FSD1L: variants seen among roughly 807,000 people sequenced by gnomAD.
The protein encoded by FSD1L is fibronectin type III and SPRY domain containing 1 like.
FSD1L carries 45 observed loss-of-function variants against 71.6 expected under a neutral mutation model. The observed-to-expected ratio is 0.63, with a 90% CI of 0.49 to 0.81. FSD1L has a LOEUF of 0.81. Ranked by LOEUF, FSD1L falls within the 30% of genes least tolerant of loss-of-function variation. The pLI, the probability that FSD1L is intolerant of heterozygous loss-of-function variation, is 0.00. For missense variants in FSD1L, 561 were observed against 618.1 expected, an observed-to-expected ratio of 0.91 and a Z score of 0.98; for synonymous variants, 197 against 207.2, an observed-to-expected ratio of 0.95 and a Z score of 0.42.
At chr9:105,442,477 C>A in the FSD1L span, among the ~76,000 whole-genome samples, 25,710 of 151,046 alleles carry the variant, frequency 0.17, 5,057 homozygotes, top group African/African-American at 0.49. Flanking sequence ...TCAAGAGTTT[C>A]AGACCAGCCT....
At chr9:105,482,684 A>C (rs990025861) in intron 6 of FSD1L, among the ~76,000 whole-genome samples, 1 of 152,190 alleles carries the variant, frequency 6.6e-6, no homozygotes, top group Non-Finnish European at 1.5e-5. Context: ...AAATTGATTC[A>C]TGGAAACTTA....
intron 1 of FSD1L, among the ~76,000 whole-genome samples, chr9:105,457,537 T>A (rs556227686): frequency 1.3e-5 from 2 of 152,364 alleles, no homozygotes; most frequent in Admixed American, 6.5e-5. Flanking sequence ...TAGGTTGAGA[T>A]ATGATAGTAA....
chr9:105,491,885 G>A (rs569949863), intron 7 of FSD1L, among the ~76,000 whole-genome samples: 59 of 148,054 alleles, frequency 4.0e-4, no homozygotes, highest in African/African-American at 1.4e-3. Context: ...TTGATGTGCT[G>A]CTGGATTCGG....
intron 5 of FSD1L, among the ~76,000 whole-genome samples, chr9:105,474,022 T>A (rs1358158900): frequency 3.3e-5 from 5 of 152,230 alleles, no homozygotes; most frequent in African/African-American, 1.2e-4. Flanking sequence ...TTTGGAGATG[T>A]GGTGAAATGA....
At chr9:105,508,793 ACTTCATGTGATGTT>A in intron 9 of FSD1L, 78 bp downstream of exon 9, 1 of 807,814 alleles carries the variant, frequency 1.2e-6, no homozygotes, top group Non-Finnish European at 1.9e-6. Flanking sequence ...AACAGGAAGC[ACTTCATGTGATGTT>A]GAATTACTTC....
intron 11 of FSD1L, 70 bp from the exon 12 acceptor site, chr9:105,534,997 G>A: frequency 2.7e-6 from 4 of 1,461,974 alleles, no homozygotes; most frequent in South Asian, 1.3e-5. Flanking sequence ...TTTTTGGGAC[G>A]AGTGGTAGGT....
intron 8 of FSD1L, 47 bp from the exon 9 acceptor site, chr9:105,508,570 G>T (rs918402031): frequency 3.6e-6 from 4 of 1,101,880 alleles, no homozygotes; most frequent in African/African-American, 1.6e-5. Flanking sequence ...TTTGGGAATA[G>T]AATCCTTTAC....
intron 10 of FSD1L, among the ~76,000 whole-genome samples, chr9:105,516,658 C>G (rs1468913225): frequency 6.6e-6 from 1 of 152,100 alleles, no homozygotes; most frequent in Non-Finnish European, 1.5e-5. Flanking sequence ...ACTCAAAGAC[C>G]CCATCCGAAG....
chr9:105,545,781 A>T (rs1836959183), intron 13 of FSD1L, among the ~76,000 whole-genome samples: 1 of 152,110 alleles, frequency 6.6e-6, no homozygotes, highest in Non-Finnish European at 1.5e-5. Flanking sequence ...TCTTTCACAA[A>T]GTCATTCACA....
intron 9 of FSD1L, among the ~76,000 whole-genome samples, chr9:105,512,300 G>A (rs1314438480): frequency 2.6e-5 from 4 of 151,794 alleles, no homozygotes; most frequent in Admixed American, 6.5e-5. Flanking sequence ...CTGCCATCAC[G>A]GCCTCAGTTT....
chr9:105,491,191 A>G (rs376614248), intron 7 of FSD1L, among the ~76,000 whole-genome samples: 11 of 151,734 alleles, frequency 7.2e-5, no homozygotes, highest in South Asian at 2.1e-4. Flanking sequence ...TTGAGCAGTG[A>G]TTTGTAGTTC....
At position 105,461,573 on chromosome 9, in the gene FSD1L, C is replaced by T. The variant is rs1830700721; in HGVS notation, c.69C>T (p.Ile23=). 3 of 1,551,590 alleles carry T rather than the reference C, an allele frequency of 1.9e-6. No homozygotes were observed. In the African/African-American group the frequency reaches 4.1e-5, roughly 21 times the overall value. Residue 23 remains isoleucine, a synonymous_variant, in exon 2 of 14, where the codon ATC becomes ATT. Transcript: ENST00000481272. ...NVTVDKACFL[I]SNITIGPESI... ...CAGTTGATAAAGCCTGTTTTCTGATCTCTAACATCACTATTGGACCAGAGT... is the reference window on the plus strand; with the variant it reads ...CAGTTGATAAAGCCTGTTTTCTGATTTCTAACATCACTATTGGACCAGAGT...
chr9:105,510,010 C>G (rs1834303348), intron 9 of FSD1L, among the ~76,000 whole-genome samples: 1 of 152,150 alleles, frequency 6.6e-6, no homozygotes, highest in Admixed American at 6.5e-5. Flanking sequence ...TTTTCATTTA[C>G]TGTTCATATT....
intron 4 of FSD1L, among the ~76,000 whole-genome samples, chr9:105,468,548 A>C (rs1314815244): frequency 2.7e-5 from 4 of 149,492 alleles, no homozygotes; most frequent in African/African-American, 9.9e-5. Context: ...TCTGTCACCC[A>C]GGCTGGAGTG....
Position 105,471,903 on chromosome 9 carries a change from G to C in FSD1L, c.340-1G>C. 9.5e-7 allele frequency: 1 copy of C among 1,055,828 alleles called. No homozygotes were observed. The allele number at this position is 1,055,828 out of a possible 1,614,324, so 65.4% of individuals were successfully genotyped here. On this transcript the variant is annotated splice_acceptor_variant, in intron 4 of 13. Coordinates refer to ENST00000481272, the MANE Select transcript of FSD1L (RefSeq NM_001145313.3). LOFTEE classifies it high-confidence loss of function. ...CTTAGTTTTTTTTTTTTTTTCCCTA[G>C]AGTCAGATTAGTCAATGTAATAATG...
In FSD1L at chr9:105,448,184, G is replaced by T. The variant is rs777275504; in HGVS notation, c.-37G>T. 5.3e-5 allele frequency: 81 copies of T among 1,541,828 alleles called. No individual in the cohort carries two copies. Among genetic ancestry groups the T allele is most frequent in the Middle Eastern group, 5.0e-4 (3 of 5,956 alleles). ...GCTGAGCCTCCTCACACGGTTCGTC[G>T]TCTCGGGTTCGAGCCCAGTGGGCTT... On this transcript the variant is annotated 5_prime_UTR_variant, in exon 1 of 14. Transcript: ENST00000481272.
intron 9 of FSD1L, among the ~76,000 whole-genome samples, 178 bp downstream of exon 9, chr9:105,508,893 G>A (rs1355429269): frequency 6.6e-6 from 1 of 151,530 alleles, no homozygotes; most frequent in African/African-American, 2.4e-5. Flanking sequence ...GGTTTTCATT[G>A]GGTTTTCTTA....
chr9:105,453,044 G>GTT (rs774826229), intron 1 of FSD1L, among the ~76,000 whole-genome samples: 2,360 of 88,064 alleles, frequency 0.027, 24 homozygotes, highest in African/African-American at 0.062. Context: ...ACCTAAAGTT[G>GTT]TTTTTTTTTT....
intron 10 of FSD1L, chr9:105,524,880 G>A: frequency 1.3e-6 from 2 of 1,585,716 alleles, no homozygotes; most frequent in Non-Finnish European, 1.7e-6. Flanking sequence ...TCATTACAGT[G>A]AAAGTACTGA....
Sources: allele counts gnomAD v4.1 joint callset (sites outside exome capture counted in the v4.1 genomes callset), GRCh38; gene constraint gnomAD v4.1.1; transcripts MANE v1.5; gene names NCBI Gene and HGNC (gene_info 2026-07-23, HGNC 2026-07-21).